GALNTL6: variants seen among roughly 807,000 people sequenced by gnomAD.
GALNTL6 encodes polypeptide N-acetylgalactosaminyltransferase-like 6.
In GALNTL6, 46 loss-of-function variants were observed where a neutral mutation model predicts 73.7. The observed-to-expected ratio is 0.62, with a 90% CI of 0.49 to 0.80. GALNTL6 has a LOEUF of 0.80. Ranked by LOEUF, GALNTL6 falls within the 30% of genes least tolerant of loss-of-function variation. The probability of loss-of-function intolerance (pLI) is 0.00; values close to 1 mark genes in which losing one functional copy is unlikely to be tolerated. For synonymous variants in GALNTL6, 259 were observed against 263.7 expected (o/e 0.98, Z 0.17); for missense variants, 604 against 755.0 (o/e 0.80, Z 2.34).
At chr4:172,067,186 T>C (rs1474208991) in intron 2 of GALNTL6, among the ~76,000 whole-genome samples, 3 of 151,940 alleles carry the variant, frequency 2.0e-5, no homozygotes, top group African/African-American at 7.2e-5. Context: ...TTTCCTACTT[T>C]AAAAGGCACA....
chr4:171,865,282 A>G (rs1735940779), intron 2 of GALNTL6, among the ~76,000 whole-genome samples: 1 of 152,222 alleles, frequency 6.6e-6, no homozygotes, highest in East Asian at 1.9e-4. Context: ...AGAGACAGAC[A>G]TACAAATGGG....
chr4:172,910,153 A>T (rs1408268893), intron 8 of GALNTL6, among the ~76,000 whole-genome samples: 2 of 152,234 alleles, frequency 1.3e-5, no homozygotes, highest in Non-Finnish European at 2.9e-5. Flanking sequence ...AAATAGTTTC[A>T]TATGCAGACA....
intron 5 of GALNTL6, among the ~76,000 whole-genome samples, chr4:172,605,200 G>C (rs552128733): frequency 6.6e-6 from 1 of 152,248 alleles, no homozygotes; most frequent in South Asian, 2.1e-4. Flanking sequence ...TTCTATGCCT[G>C]GTGAACTTAA....
At chr4:172,229,811 G>A (rs1265188919) in intron 3 of GALNTL6, 47 bp downstream of exon 3, 2 of 1,114,052 alleles carry the variant, frequency 1.8e-6, no homozygotes, top group South Asian at 1.3e-5. Context: ...TCGCAGCAGT[G>A]TCTCATTTGT....
chr4:172,165,568 A>C (rs1354667506), intron 2 of GALNTL6, among the ~76,000 whole-genome samples: 1 of 152,154 alleles, frequency 6.6e-6, no homozygotes, highest in African/African-American at 2.4e-5. Flanking sequence ...TTACAAACAT[A>C]ATTTAAGTAT....
intron 5 of GALNTL6, among the ~76,000 whole-genome samples, chr4:172,665,797 T>C (rs1206735540): frequency 6.6e-6 from 1 of 152,196 alleles, no homozygotes; most frequent in Non-Finnish European, 1.5e-5. Flanking sequence ...TGTTACTTGT[T>C]TCTATGTTCA....
chr4:172,112,991 C>T (rs1491618), intron 2 of GALNTL6, among the ~76,000 whole-genome samples: 151,725 of 152,090 alleles, frequency 1, 75,682 homozygotes, highest in Middle Eastern at 1. Context: ...TCTGTGCTTT[C>T]CTATTATAGA....
intron 5 of GALNTL6, among the ~76,000 whole-genome samples, chr4:172,624,369 T>G (rs1167247659): frequency 2.6e-5 from 4 of 151,958 alleles, no homozygotes; most frequent in Non-Finnish European, 5.9e-5. Flanking sequence ...GTGTGGTTTT[T>G]GGTTCTTGTT....
In GALNTL6 at chr4:172,371,681, C is replaced by T. The variant is rs190602937; in HGVS notation, c.553+22992C>T. On this transcript the variant is annotated intron_variant, in intron 5 of 12. Transcript: ENST00000506823. Reference sequence around the variant, plus strand: ...TCTCTGCTTCTTCCTCTCTCTGTCTCTTCCTCTCTCTCTCTCTCTTTGACT... The same window carrying T: ...TCTCTGCTTCTTCCTCTCTCTGTCTTTTCCTCTCTCTCTCTCTCTTTGACT... Among the ~76,000 whole-genome samples the T allele has an allele frequency of 3.2e-3, 480 of 152,120 alleles. 3 individuals carry two copies. Among genetic ancestry groups the T allele is most frequent in the Non-Finnish European group, 5.1e-3 (350 of 68,010 alleles).
chr4:171,937,407 A>C (rs888328835), intron 2 of GALNTL6, among the ~76,000 whole-genome samples: 1 of 152,150 alleles, frequency 6.6e-6, no homozygotes, highest in South Asian at 2.1e-4. Flanking sequence ...CCAAAGGACT[A>C]TTGACTCCAC....
chr4:172,689,372 A>C lies in GALNTL6; in HGVS notation c.554-119989A>C, dbSNP rs555027037. On this transcript the variant is annotated intron_variant, in intron 5 of 12. Transcript: ENST00000506823. ...ATTTAACTTTCTCCACATCAATAAA[A>C]TGGAAAGTATAAAGCTTAGCCCAAC... is the stretch of plus-strand genomic sequence containing the variant. Among the ~76,000 whole-genome samples, 4 of 152,348 alleles carry C rather than the reference A, an allele frequency of 2.6e-5. No individual in the cohort carries two copies. The South Asian group carries it at 8.3e-4, about 32-fold the overall frequency.
At chr4:172,790,896 CAAA>C (rs770813700) in intron 5 of GALNTL6, among the ~76,000 whole-genome samples, 7 of 71,404 alleles carry the variant, frequency 9.8e-5, no homozygotes, top group Admixed American at 3.4e-4. Flanking sequence ...GAGACTCCAT[CAAA>C]AAAAAAAAAA....
intron 11 of GALNTL6, among the ~76,000 whole-genome samples, chr4:173,017,962 C>G (rs1752847820): frequency 6.6e-6 from 1 of 152,156 alleles, no homozygotes; most frequent in Admixed American, 6.5e-5. Flanking sequence ...GTGACAGAAG[C>G]AAGACACTCA....
intron 2 of GALNTL6, among the ~76,000 whole-genome samples, chr4:171,872,782 T>G (rs766893504): frequency 2.1e-4 from 32 of 152,206 alleles, no homozygotes; most frequent in Non-Finnish European, 4.1e-4. Flanking sequence ...AGATTTCATT[T>G]TAACTTGAAT....
intron 5 of GALNTL6, among the ~76,000 whole-genome samples, chr4:172,737,143 TTA>T (rs1419803365): frequency 4.1e-4 from 63 of 152,328 alleles, no homozygotes; most frequent in African/African-American, 1.5e-3. Flanking sequence ...ACCTGGATAT[TTA>T]TATCTTTTTC....
intron 8 of GALNTL6, among the ~76,000 whole-genome samples, chr4:172,893,611 A>AG (rs1308484539): frequency 3.9e-5 from 6 of 152,190 alleles, no homozygotes; most frequent in South Asian, 2.1e-4. Flanking sequence ...CTGGTGGACA[A>AG]GGGGGCACAA....
chr4:172,811,643 G>A (rs1373327259), intron 6 of GALNTL6, among the ~76,000 whole-genome samples: 1 of 152,136 alleles, frequency 6.6e-6, no homozygotes, highest in Non-Finnish European at 1.5e-5. Flanking sequence ...CCTTGGTGCA[G>A]ATTAACTAGA....
chr4:172,297,855 G>A (rs1020718924), intron 3 of GALNTL6, among the ~76,000 whole-genome samples: 1 of 151,900 alleles, frequency 6.6e-6, no homozygotes, highest in African/African-American at 2.4e-5. Context: ...GGTTCCATAT[G>A]AATTTTAAAG....
intron 2 of GALNTL6, among the ~76,000 whole-genome samples, chr4:172,059,362 A>C (rs1246576601): frequency 6.6e-6 from 1 of 152,204 alleles, no homozygotes; most frequent in Non-Finnish European, 1.5e-5. Flanking sequence ...TAAAGAAGAC[A>C]TCATATTTCT....
Sources: allele counts gnomAD v4.1 joint callset (sites outside exome capture counted in the v4.1 genomes callset), GRCh38; gene constraint gnomAD v4.1.1; transcripts MANE v1.5; gene names NCBI Gene and HGNC (gene_info 2026-07-23, HGNC 2026-07-21).